GLIS1: variants seen among roughly 807,000 people sequenced by gnomAD.
GLIS1 encodes the protein GLIS family zinc finger 1.
A neutral mutation model predicts 63.8 loss-of-function variants in GLIS1; 24 were observed. The ratio of observed to expected loss-of-function variants is 0.38; its 90% CI spans 0.27 to 0.53. The LOEUF (loss-of-function observed/expected upper bound fraction) is 0.53. Among genes scored for constraint, GLIS1 ranks in the 20% least tolerant of loss-of-function variants. GLIS1 has a pLI of 0.85. For missense variants in GLIS1, 1,036 were observed against 1,074.1 expected (o/e 0.96, Z 0.50); for synonymous variants, 450 against 482.5 (o/e 0.93, Z 0.88).
At chr1:53,640,153 C>A (rs1645770432) in intron 2 of GLIS1, among the ~76,000 whole-genome samples, 1 of 152,124 alleles carries the variant, frequency 6.6e-6, no homozygotes, top group Non-Finnish European at 1.5e-5. Flanking sequence ...ATGGGACAAC[C>A]CAAAGTCAGA....
chr1:53,732,418 T>C (rs1646871544), intron 2 of GLIS1, among the ~76,000 whole-genome samples: 1 of 152,076 alleles, frequency 6.6e-6, no homozygotes, highest in Non-Finnish European at 1.5e-5. Context: ...CTGCTTTCCT[T>C]ACTCAGTAAC....
In GLIS1 at chr1:53,661,550, T is replaced by C. The variant is rs537788628; in HGVS notation, c.260-61272A>G. Reference sequence around the variant, plus strand: ...GAGGCCCACACAGTTGGAAATCTCTTAAAGGGGAGGCGTGGGGAGGACGTG... The same window carrying C: ...GAGGCCCACACAGTTGGAAATCTCTCAAAGGGGAGGCGTGGGGAGGACGTG... On this transcript the variant is annotated intron_variant, in intron 2 of 10. Transcript: ENST00000628545. 2.0e-5 allele frequency among the ~76,000 whole-genome samples: 3 copies of C among 152,264 alleles called. No homozygotes were observed. In the South Asian group the frequency reaches 6.2e-4, roughly 32 times the overall value.
chr1:53,596,061 T>C (rs565859372), intron 3 of GLIS1, among the ~76,000 whole-genome samples: 1 of 152,356 alleles, frequency 6.6e-6, no homozygotes, highest in Admixed American at 6.5e-5. Flanking sequence ...TCTCCTCCTC[T>C]GGGACATCAG....
chr1:53,520,877 T>A (rs1644401457), intron 6 of GLIS1, 111 bp from the exon 7 acceptor site: 1 of 1,203,024 alleles, frequency 8.3e-7, no homozygotes, highest in Non-Finnish European at 1.1e-6. Context: ...GCAAGACCCT[T>A]CCCTTCACTG....
chr1:53,537,774 C>T lies in GLIS1; in HGVS notation c.1321-7822G>A, dbSNP rs1404347428. On this transcript the variant is annotated intron_variant, in intron 4 of 10. Coordinates refer to ENST00000628545, the MANE Select transcript of GLIS1 (RefSeq NM_001367484.1). ...AGGTTTGGGGGAACAGGGCATGGCACGGGGGCAGGGGAGGAAATGCCTTCA... is the reference window on the plus strand; with the variant it reads ...AGGTTTGGGGGAACAGGGCATGGCATGGGGGCAGGGGAGGAAATGCCTTCA... 4.6e-5 allele frequency among the ~76,000 whole-genome samples: 7 copies of T among 152,144 alleles called. No individual in the cohort carries two copies. The South Asian group carries it at 6.2e-4, about 14-fold the overall frequency.
intron 4 of GLIS1, among the ~76,000 whole-genome samples, chr1:53,586,352 A>G (rs1645134724): frequency 1.3e-5 from 2 of 152,226 alleles, no homozygotes; most frequent in Non-Finnish European, 2.9e-5. Context: ...TTCACAGTGC[A>G]GGAAACTGAG....
At chr1:53,668,301 A>G (rs894864453) in intron 2 of GLIS1, among the ~76,000 whole-genome samples, 7 of 152,196 alleles carry the variant, frequency 4.6e-5, no homozygotes, top group Non-Finnish European at 8.8e-5. Context: ...CAGAACATAT[A>G]TAACATCAGT....
At chr1:53,566,205 A>G (rs1033575126) in intron 4 of GLIS1, among the ~76,000 whole-genome samples, 4 of 152,212 alleles carry the variant, frequency 2.6e-5, no homozygotes, top group Non-Finnish European at 4.4e-5. Context: ...CCCTCTTACC[A>G]TTCCTTTTCA....
chr1:53,563,423 T>G (rs1002851991), intron 4 of GLIS1, among the ~76,000 whole-genome samples: 7 of 152,176 alleles, frequency 4.6e-5, no homozygotes, highest in African/African-American at 1.7e-4. Context: ...CCAACAGAAT[T>G]TCCAGAAATT....
chr1:53,658,906 G>A (rs1645996327), intron 2 of GLIS1, among the ~76,000 whole-genome samples: 1 of 152,182 alleles, frequency 6.6e-6, no homozygotes, highest in Non-Finnish European at 1.5e-5. Flanking sequence ...GTGGGGAGGT[G>A]GGGGGCACAG....
intron 6 of GLIS1, among the ~76,000 whole-genome samples, chr1:53,524,314 G>C (rs1644441644): frequency 6.6e-6 from 1 of 152,222 alleles, no homozygotes. Flanking sequence ...GAGGGGCTAA[G>C]GTCCCCTCAT....
intron 2 of GLIS1, among the ~76,000 whole-genome samples, chr1:53,632,003 C>T (rs544509586): frequency 2.7e-5 from 4 of 146,812 alleles, no homozygotes; most frequent in Admixed American, 6.8e-5. Context: ...GACTAAGGGG[C>T]GTGTGAATGA....
chr1:53,689,928 G>C (rs1646383617), intron 2 of GLIS1, among the ~76,000 whole-genome samples: 1 of 152,144 alleles, frequency 6.6e-6, no homozygotes, highest in Non-Finnish European at 1.5e-5. Context: ...GTGCACCTCT[G>C]GGCTACACGT....
chr1:53,529,940 T>C lies in GLIS1; in HGVS notation c.1333A>G (p.Ser445Gly), dbSNP rs150636432. ...TTCTCCAGCCGTGAGAAGGCCTTGC[T>C]GCAGCCTTCAAACTGCAGGAGAGGC... ...KPNKCMFEGC[S>G]KAFSRLENLK... is the part of the protein sequence containing the mutation. The change falls in exon 5 of 11, where the codon AGC (serine) becomes GGC (glycine). Residue 445 changes from serine (S) to glycine (G), a missense_variant. By Grantham distance (56) the Ser-to-Gly change is moderately conservative. Around this residue, in one of 3 missense-constraint regions of GLIS1, gnomAD observed 44 missense variants for 79.3 expected, o/e 0.55. Transcript: ENST00000628545. The C allele has an allele frequency of 2.5e-5, 41 of 1,613,470 alleles. No individual in the cohort carries two copies. The African/African-American group carries it at 4.9e-4, about 19-fold the overall frequency.
chr1:53,616,030 G>C (rs1645479007), intron 2 of GLIS1, among the ~76,000 whole-genome samples: 2 of 152,320 alleles, frequency 1.3e-5, no homozygotes, highest in African/African-American at 4.8e-5. Flanking sequence ...TTACAGGCAA[G>C]AGCCACCGCA....
chr1:53,611,608 T>C (rs1244579828), intron 2 of GLIS1, among the ~76,000 whole-genome samples: 1 of 152,200 alleles, frequency 6.6e-6, no homozygotes, highest in Non-Finnish European at 1.5e-5. Flanking sequence ...GAAAATATCA[T>C]CTTAATTCAG....
intron 2 of GLIS1, among the ~76,000 whole-genome samples, chr1:53,634,533 G>A (rs947934959): frequency 6.6e-6 from 1 of 152,092 alleles, no homozygotes; most frequent in Non-Finnish European, 1.5e-5. Context: ...ACAAAATGAG[G>A]CCTGAGAATT....
intron 2 of GLIS1, among the ~76,000 whole-genome samples, chr1:53,689,496 C>T (rs894415317): frequency 2.6e-5 from 4 of 152,122 alleles, no homozygotes; most frequent in Non-Finnish European, 5.9e-5. Context: ...AGCTGAGAGC[C>T]GGCCAGACCA....
At position 53,520,660 on chromosome 1, in the gene GLIS1, C is replaced by T. The variant is rs143835207; in HGVS notation, c.1700G>A (p.Cys567Tyr). 1.9e-5 allele frequency: 31 copies of T among 1,610,750 alleles called. No individual in the cohort carries two copies. Among genetic ancestry groups the T allele is most frequent in the Non-Finnish European group, 2.5e-5 (29 of 1,179,042 alleles). The change falls in exon 7 of 11, where the codon TGT becomes TAT. Residue 567 changes from cysteine (C) to tyrosine (Y), a missense_variant. Coordinates refer to ENST00000628545, the MANE Select transcript of GLIS1 (RefSeq NM_001367484.1). ...TGGGAGCAGCTCCTGGCCCAGGCCA[C>T]AGCCACCCTTGCCGTCGCTGGCAGC... ...QLAASDGKGGCGLGQELLPGV... is the reference protein window; with the variant it reads ...QLAASDGKGGYGLGQELLPGV...
Sources: gnomAD v4.1 joint callset for allele counts (sites outside exome capture counted in the v4.1 genomes callset) on GRCh38, gnomAD v4.1.1 for gene constraint, gnomAD v4.1.1 regional missense constraint, MANE v1.5 for transcripts, NCBI Gene and HGNC (gene_info 2026-07-23, HGNC 2026-07-21) for gene names.